Variants in SPAG11A observed in about 807,000 individuals in gnomAD.
The protein encoded by SPAG11A is sperm associated antigen 11A.
Under a neutral mutation model 5.5 loss-of-function variants are expected in SPAG11A, and 2 were observed. The observed-to-expected ratio is 0.37, with a 90% CI of 0.15 to 1.15. The LOEUF (loss-of-function observed/expected upper bound fraction) is 1.15, where lower values mean the gene tolerates loss of function less well. Among genes scored for constraint, SPAG11A ranks in the 50% most tolerant of loss-of-function variants. The pLI, the probability that SPAG11A is intolerant of heterozygous loss-of-function variation, is 0.38. For synonymous variants in SPAG11A, 11 were observed against 42.7 expected, an observed-to-expected ratio of 0.26 and a Z score of 2.90; for missense variants, 24 against 122.5, an observed-to-expected ratio of 0.20 and a Z score of 3.80.
intron 2 of SPAG11A, among the ~76,000 whole-genome samples, chr8:7,857,443 C>CTTTTTTT (rs746499721): frequency 4.3e-4 from 19 of 44,674 alleles, no homozygotes; most frequent in Admixed American, 7.8e-4. Flanking sequence ...TTCTTTCTTT[C>CTTTTTTT]TTTTTTTTTT....
At chr8:7,858,853 C>T (rs1818114720) in intron 2 of SPAG11A, among the ~76,000 whole-genome samples, 1 of 15,934 alleles carries the variant, frequency 6.3e-5, no homozygotes, top group African/African-American at 1.1e-4. Context: ...TGGTGGACAC[C>T]GCAGCTTTCT....
At chr8:7,857,570 C>T (rs545552608) in intron 2 of SPAG11A, among the ~76,000 whole-genome samples, 1 of 76,152 alleles carries the variant, frequency 1.3e-5, no homozygotes, top group African/African-American at 3.5e-5. Context: ...ATATTCATAA[C>T]TATTTTACAA....
At chr8:7,857,468 G>T in intron 2 of SPAG11A, among the ~76,000 whole-genome samples, 1 of 52,922 alleles carries the variant, frequency 1.9e-5, no homozygotes, top group Non-Finnish European at 3.9e-5. Context: ...TTTTTTGAGA[G>T]ATTTCAGAGA....
chr8:7,852,479 G>A (rs1817963746), intron 2 of SPAG11A, among the ~76,000 whole-genome samples: 1 of 152,134 alleles, frequency 6.6e-6, no homozygotes, highest in African/African-American at 2.4e-5. Context: ...GATTACAGGT[G>A]TCCACCACCA....
chr8:7,861,097 C>T (rs1029956364), downstream of SPAG11A: 20 of 292,664 alleles, frequency 6.8e-5, 1 homozygote, highest in East Asian at 1.1e-3. Flanking sequence ...GACTAGAAAC[C>T]GAGCTCCAAA....
intron 2 of SPAG11A, among the ~76,000 whole-genome samples, chr8:7,852,109 A>T (rs1817941653): frequency 6.9e-6 from 1 of 144,426 alleles, no homozygotes; most frequent in Admixed American, 7.1e-5. Context: ...GTTTTCTCTC[A>T]GAAAGAACCG....
In SPAG11A at chr8:7,860,642, A is replaced by G. The variant is rs1818180589; in HGVS notation, c.215-4A>G. 3.5e-6 allele frequency: 5 copies of G among 1,439,158 alleles called. No individual in the cohort carries two copies. The African/African-American group carries it at 4.2e-5, about 12-fold the overall frequency. 89.1% of individuals were successfully genotyped at this position (1,439,158 alleles called of 1,614,324 possible). On this transcript the variant is annotated splice_region_variant and splice_polypyrimidine_tract_variant and intron_variant, in intron 2 of 2. Coordinates refer to ENST00000642566, the Ensembl canonical transcript of SPAG11A. ...ATGTCAACTCTCTTCTGTTGTATCC[A>G]TAGGGGATGTTCCACTGGGAATTAG...
At chr8:7,863,541 G>C (rs1265749401), downstream of SPAG11A, 1 of 1,604,358 alleles carries the variant, frequency 6.2e-7, no homozygotes, top group Non-Finnish European at 8.5e-7. Flanking sequence ...GATAAGGAGA[G>C]TAGAGACTTC....
intron 2 of SPAG11A, among the ~76,000 whole-genome samples, chr8:7,852,351 T>C (rs1471099160): frequency 6.6e-6 from 1 of 152,264 alleles, no homozygotes; most frequent in African/African-American, 2.4e-5. Context: ...TTCACCCTTG[T>C]TGCCCAGGCT....
intron 2 of SPAG11A, among the ~76,000 whole-genome samples, chr8:7,852,592 C>T (rs530605453): frequency 7.9e-5 from 12 of 152,318 alleles, no homozygotes; most frequent in African/African-American, 2.9e-4. Flanking sequence ...CTCGGCCTCC[C>T]GAAGTGCTGG....
rs1031004418 is a variant in SPAG11A at position 7,848,595 on chromosome 8, GCTCA to G, written c.62-90_62-87del. 15 of 784,014 alleles carry G rather than the reference GCTCA, an allele frequency of 1.9e-5. No homozygotes were observed. In the Admixed American group the frequency reaches 2.6e-4, roughly 13 times the overall value. 48.6% of individuals were successfully genotyped at this position (784,014 alleles called of 1,614,324 possible). On this transcript the variant is annotated intron_variant, in intron 1 of 2. Coordinates refer to ENST00000642566, the Ensembl canonical transcript of SPAG11A. ...CCAACTCCCCCACCCAATCACCCAT[GCTCA>G]CTCACCTGGTAGAGTGTAGGTGCCT...
intron 2 of SPAG11A, among the ~76,000 whole-genome samples, chr8:7,852,118 C>T (rs1312405275): frequency 6.2e-5 from 9 of 145,374 alleles, no homozygotes; most frequent in African/African-American, 2.0e-4. Flanking sequence ...CAGAAAGAAC[C>T]GATCTGTGTG....
At chr8:7,861,362 TA>T (rs1202240040), downstream of SPAG11A, among the ~76,000 whole-genome samples, 2 of 146,786 alleles carry the variant, frequency 1.4e-5, no homozygotes, top group African/African-American at 4.9e-5. Context: ...GTGTGTATAA[TA>T]GGGGGTAAGC....
intron 2 of SPAG11A, among the ~76,000 whole-genome samples, chr8:7,858,208 A>C (rs1168441172): frequency 9.4e-6 from 1 of 105,890 alleles, no homozygotes; most frequent in African/African-American, 2.7e-5. Context: ...GAGAATTTTA[A>C]GGGAAATAAA....
intron 2 of SPAG11A, among the ~76,000 whole-genome samples, chr8:7,852,507 A>C: frequency 6.6e-6 from 1 of 152,260 alleles, no homozygotes; most frequent in Admixed American, 6.5e-5. Flanking sequence ...CTAATTTTGT[A>C]TTTTTAGTAG....
intron 2 of SPAG11A, among the ~76,000 whole-genome samples, chr8:7,852,339 G>T (rs1192717983): frequency 6.6e-6 from 1 of 152,144 alleles, no homozygotes; most frequent in African/African-American, 2.4e-5. Flanking sequence ...TTGAGACAGA[G>T]TTTCACCCTT....
At chr8:7,860,177 G>A (rs1479721486) in intron 2 of SPAG11A, among the ~76,000 whole-genome samples, 1 of 148,906 alleles carries the variant, frequency 6.7e-6, no homozygotes, top group Non-Finnish European at 1.5e-5. Context: ...CAAGCCCACA[G>A]GTCCTGGTGA....
At chr8:7,856,978 A>ACATGATAAAAT (rs1385177634) in intron 2 of SPAG11A, among the ~76,000 whole-genome samples, 3 of 147,720 alleles carry the variant, frequency 2.0e-5, no homozygotes, top group African/African-American at 7.4e-5. Context: ...AGGAGAAGGT[A>ACATGATAAAAT]CATGATAAAA....
downstream of SPAG11A, among the ~76,000 whole-genome samples, chr8:7,861,672 C>T (rs1818221997): frequency 7.6e-6 from 1 of 130,944 alleles, no homozygotes; most frequent in African/African-American, 2.6e-5. Context: ...ATAATAAAAA[C>T]AAACATGCTG....
Sources: gnomAD v4.1 joint callset for allele counts (sites outside exome capture counted in the v4.1 genomes callset) on GRCh38, gnomAD v4.1.1 for gene constraint, MANE v1.5 for transcripts, NCBI Gene and HGNC (gene_info 2026-07-23, HGNC 2026-07-21) for gene names.